The following PDE8A variants were observed in gnomAD, a reference collection of about 807,000 sequenced individuals.
The protein encoded by PDE8A is high affinity cAMP-specific and IBMX-insensitive 3',5'-cyclic phosphodiesterase 8A.
In PDE8A, 59 loss-of-function variants were observed where a neutral mutation model predicts 105.0. That is an observed-to-expected ratio of 0.56 (90% CI 0.46 to 0.70). The LOEUF (loss-of-function observed/expected upper bound fraction) is 0.70, where lower values mean the gene tolerates loss of function less well. Ranked by LOEUF, PDE8A falls within the 30% of genes least tolerant of loss-of-function variation. The pLI is 0.00. For synonymous variants in PDE8A, 355 were observed against 371.9 expected (o/e 0.95, Z 0.52); for missense variants, 1,014 against 1,045.9 (o/e 0.97, Z 0.42).
chr15:85,136,610 C>G lies in PDE8A; in HGVS notation c.2330C>G (p.Ser777Cys), dbSNP rs772648246. Residue 777 changes from serine to cysteine, a missense_variant, in exon 21 of 22, where the codon TCC becomes TGC. By Grantham distance (112) the Ser-to-Cys change is moderately radical. Coordinates refer to ENST00000394553, the MANE Select transcript of PDE8A (RefSeq NM_002605.3). ...FDRNTCSIPK[S>C]QISFIDYFIT... ...AGAAATACCTGCAGCATCCCCAAAT[C>G]CCAAATCTCTTTCATTGATTACTTC... 1.2e-6 allele frequency: 2 copies of G among 1,613,858 alleles called. No individual in the cohort carries two copies. The highest frequency in any genetic ancestry group is 1.7e-6 in the Non-Finnish European group (2 of 1,179,820).
intron 1 of PDE8A, among the ~76,000 whole-genome samples, chr15:85,012,460 A>G (rs1217515827): frequency 1.3e-5 from 2 of 150,230 alleles, no homozygotes; most frequent in Non-Finnish European, 3.0e-5. Context: ...AAAAAACCAA[A>G]CACCGCATGT....
At chr15:85,006,641 T>G (rs2080152603) in intron 1 of PDE8A, among the ~76,000 whole-genome samples, 1 of 152,242 alleles carries the variant, frequency 6.6e-6, no homozygotes, top group Non-Finnish European at 1.5e-5. Flanking sequence ...GTTTTTCTTC[T>G]TGTGTAGATT....
chr15:85,095,659 A>G (rs181113668), intron 8 of PDE8A, among the ~76,000 whole-genome samples: 1 of 151,900 alleles, frequency 6.6e-6, no homozygotes, highest in East Asian at 1.9e-4. Context: ...TAAATCTTAT[A>G]TGATATTTAT....
intron 6 of PDE8A, among the ~76,000 whole-genome samples, chr15:85,088,457 T>C (rs549281845): frequency 6.6e-6 from 1 of 152,396 alleles, no homozygotes; most frequent in African/African-American, 2.4e-5. Flanking sequence ...TCCTTTTATG[T>C]CTGCATAATA....
chr15:85,090,338 G>A (rs1890885303), intron 7 of PDE8A, among the ~76,000 whole-genome samples: 1 of 152,214 alleles, frequency 6.6e-6, no homozygotes, highest in Non-Finnish European at 1.5e-5. Flanking sequence ...TGTATGTGAA[G>A]TGTTTACTAT....
chr15:85,098,543 T>C (rs1293829350), intron 9 of PDE8A, among the ~76,000 whole-genome samples: 1 of 152,128 alleles, frequency 6.6e-6, no homozygotes. Flanking sequence ...GAAACCTATC[T>C]TAAAGAAATA....
rs549203659 is a variant in PDE8A, at chr15:84,998,102, A to G, written c.186+15754A>G. ...AGATAAGTTACATTTACTTATTGAA[A>G]TCTTCCATTTTCTTAAGAAATCATT... On this transcript the variant is annotated intron_variant, in intron 1 of 21. Transcript: ENST00000394553. Among the ~76,000 whole-genome samples, 4 of 152,304 alleles carry G rather than the reference A, an allele frequency of 2.6e-5. No individual in the cohort carries two copies. The South Asian group carries it at 8.3e-4, about 32-fold the overall frequency.
intron 1 of PDE8A, among the ~76,000 whole-genome samples, chr15:85,023,488 G>A (rs1434173369): frequency 1.3e-5 from 2 of 152,206 alleles, no homozygotes; most frequent in Admixed American, 6.5e-5. Flanking sequence ...GTTTGGAGAC[G>A]TGGTTTATGA....
Position 85,076,699 on chromosome 15 carries a change from C to T in PDE8A, c.492-34C>T, listed in dbSNP as rs369930118. 7 of 1,368,226 alleles carry T rather than the reference C, an allele frequency of 5.1e-6. No homozygotes were observed. In the African/African-American group the frequency reaches 7.1e-5, roughly 14 times the overall value. 84.8% of individuals were successfully genotyped at this position (1,368,226 alleles called of 1,614,324 possible). On this transcript the variant is annotated intron_variant, in intron 4 of 21. Transcript: ENST00000394553. ...AGAGGTGAGATGTAATTGATAAAAA[C>T]TATGTCTATGTTCTTTACTGTGTTA... is the stretch of plus-strand genomic sequence containing the variant.
intron 9 of PDE8A, among the ~76,000 whole-genome samples, 188 bp downstream of exon 9, chr15:85,098,224 G>T (rs780676820): frequency 1.1e-4 from 16 of 152,240 alleles, no homozygotes; most frequent in Non-Finnish European, 1.9e-4. Flanking sequence ...TCTACTTGCA[G>T]CCCAGAGCCA....
intron 20 of PDE8A, among the ~76,000 whole-genome samples, chr15:85,134,773 A>G (rs946321769): frequency 2.0e-5 from 3 of 152,098 alleles, no homozygotes; most frequent in African/African-American, 7.2e-5. Flanking sequence ...TCAAGTAGAG[A>G]GCCCATATGG....
chr15:85,099,726 CAGTT>C, intron 9 of PDE8A: 2 of 398,344 alleles, frequency 5.0e-6, no homozygotes, highest in Non-Finnish European at 8.9e-6. Context: ...TAAAGGCTCT[CAGTT>C]GGTTAACATG....
chr15:85,000,746 G>A (rs552624094), intron 1 of PDE8A, among the ~76,000 whole-genome samples: 22 of 152,312 alleles, frequency 1.4e-4, no homozygotes, highest in African/African-American at 4.8e-4. Context: ...TGGTGGCAGT[G>A]AGTGCTTTGC....
At chr15:84,981,396 C>CA (rs2079705032), upstream of PDE8A, among the ~76,000 whole-genome samples, 1 of 152,162 alleles carries the variant, frequency 6.6e-6, no homozygotes, top group Non-Finnish European at 1.5e-5. Context: ...GAGCCGGAGC[C>CA]GGAGCCGTAC....
chr15:85,104,500 A>G (rs2081917902), intron 11 of PDE8A, among the ~76,000 whole-genome samples: 1 of 152,058 alleles, frequency 6.6e-6, no homozygotes, highest in Non-Finnish European at 1.5e-5. Flanking sequence ...AAGAGATTGA[A>G]GACAAAGTAA....
chr15:85,052,257 A>G (rs2080987874), intron 1 of PDE8A, among the ~76,000 whole-genome samples: 1 of 152,130 alleles, frequency 6.6e-6, no homozygotes, highest in African/African-American at 2.4e-5. Flanking sequence ...AGTCTTTGCT[A>G]TTGTGAATAG....
At chr15:85,058,343 C>G (rs2081094923) in intron 1 of PDE8A, among the ~76,000 whole-genome samples, 1 of 152,168 alleles carries the variant, frequency 6.6e-6, no homozygotes, top group Non-Finnish European at 1.5e-5. Context: ...ACCTTAGCCT[C>G]TCAAAAGCGC....
At chr15:85,106,762 C>T (rs2081953611) in intron 11 of PDE8A, among the ~76,000 whole-genome samples, 2 of 152,212 alleles carry the variant, frequency 1.3e-5, no homozygotes, top group Admixed American at 1.3e-4. Flanking sequence ...GAAAGGCAGG[C>T]TGCTGCAGGC....
intron 11 of PDE8A, among the ~76,000 whole-genome samples, chr15:85,107,583 C>T (rs967795708): frequency 6.6e-6 from 1 of 152,078 alleles, no homozygotes; most frequent in Non-Finnish European, 1.5e-5. Flanking sequence ...TTGGCTGACC[C>T]AGTGGAAGGA....
Sources: allele counts gnomAD v4.1 joint callset (sites outside exome capture counted in the v4.1 genomes callset), GRCh38; gene constraint gnomAD v4.1.1; transcripts MANE v1.5; gene names NCBI Gene and HGNC (gene_info 2026-07-23, HGNC 2026-07-21).